The following ZNF804B variants were observed in gnomAD, a reference collection of about 807,000 sequenced individuals.
ZNF804B encodes zinc finger 804B.
A neutral mutation model predicts 101.4 loss-of-function variants in ZNF804B; 80 were observed. The ratio of observed to expected loss-of-function variants is 0.79; its 90% CI spans 0.66 to 0.95. ZNF804B has a LOEUF of 0.95. Ranked by LOEUF, ZNF804B falls within the 40% of genes least tolerant of loss-of-function variation. ZNF804B has a pLI of 0.00. For synonymous variants in ZNF804B, 622 were observed against 558.8 expected (o/e 1.11, Z -1.59); for missense variants, 1,673 against 1,561.9 (o/e 1.07, Z -1.20).
intron 1 of ZNF804B, among the ~76,000 whole-genome samples, chr7:88,855,192 A>G (rs1036394532): frequency 3.9e-5 from 6 of 152,020 alleles, no homozygotes; most frequent in African/African-American, 1.2e-4. Flanking sequence ...GACTTCCACA[A>G]TGGTTGAACT....
chr7:88,789,483 T>G (rs1230149110), intron 1 of ZNF804B, among the ~76,000 whole-genome samples: 3 of 152,098 alleles, frequency 2.0e-5, no homozygotes, highest in East Asian at 1.9e-4. Context: ...GCAAAACACC[T>G]TAATGTCTTT....
chr7:88,839,205 G>T (rs1334886655), intron 1 of ZNF804B, among the ~76,000 whole-genome samples: 1 of 151,926 alleles, frequency 6.6e-6, no homozygotes, highest in East Asian at 1.9e-4. Context: ...TGGGTTCCTA[G>T]CATCTTATCT....
At chr7:88,830,081 G>C (rs745653831) in intron 1 of ZNF804B, among the ~76,000 whole-genome samples, 10 of 152,090 alleles carry the variant, frequency 6.6e-5, no homozygotes, top group Non-Finnish European at 1.3e-4. Flanking sequence ...TTTGTTTAGG[G>C]AGTGTGCTCA....
intron 1 of ZNF804B, among the ~76,000 whole-genome samples, chr7:89,168,046 T>A (rs1584028539): frequency 6.6e-6 from 1 of 152,130 alleles, no homozygotes; most frequent in African/African-American, 2.4e-5. Flanking sequence ...CTTGTTTCTA[T>A]TCAATGAAAT....
intron 1 of ZNF804B, among the ~76,000 whole-genome samples, chr7:88,836,871 C>A (rs983159100): frequency 6.6e-6 from 1 of 151,992 alleles, no homozygotes; most frequent in Middle Eastern, 3.4e-3. Flanking sequence ...TATTTCCTGT[C>A]TGACAAGGAA....
intron 1 of ZNF804B, among the ~76,000 whole-genome samples, chr7:89,109,592 A>T (rs141751814): frequency 2.7e-3 from 411 of 152,272 alleles, no homozygotes; most frequent in Non-Finnish European, 3.9e-3. Flanking sequence ...TCTCTTTCAC[A>T]GACTCTCATT....
At chr7:89,156,049 T>C (rs1371514773) in intron 1 of ZNF804B, among the ~76,000 whole-genome samples, 1,029 of 62,482 alleles carry the variant, frequency 0.016, 15 homozygotes, top group Middle Eastern at 0.059. Context: ...TCTTTCTTTC[T>C]TTCTTTCTTT....
At chr7:88,999,849 A>G (rs754982533) in intron 1 of ZNF804B, among the ~76,000 whole-genome samples, 6 of 152,010 alleles carry the variant, frequency 3.9e-5, no homozygotes, top group Non-Finnish European at 5.9e-5. Context: ...TTCTTTAGCC[A>G]CATATTAATA....
intron 1 of ZNF804B, among the ~76,000 whole-genome samples, chr7:89,093,240 C>T (rs1789922295): frequency 6.6e-6 from 1 of 152,102 alleles, no homozygotes; most frequent in African/African-American, 2.4e-5. Context: ...CTACCTGTAC[C>T]TCTGTGGGAA....
chr7:88,794,996 T>C (rs991899528), intron 1 of ZNF804B: 2 of 1,454,280 alleles, frequency 1.4e-6, no homozygotes, highest in East Asian at 2.3e-5. Context: ...TATCATAATA[T>C]TTATGCTGCC....
chr7:88,773,542 C>A (rs548021927), intron 1 of ZNF804B, among the ~76,000 whole-genome samples: 1 of 152,226 alleles, frequency 6.6e-6, no homozygotes, highest in African/African-American at 2.4e-5. Flanking sequence ...ATATGTTTTA[C>A]ATAAACCAAA....
At chr7:89,267,074 A>G (rs1789807769) in intron 2 of ZNF804B, among the ~76,000 whole-genome samples, 1 of 152,162 alleles carries the variant, frequency 6.6e-6, no homozygotes, top group African/African-American at 2.4e-5. Context: ...CCAACTGGTT[A>G]TTTTATCATT....
chr7:89,305,073 C>T (rs1303829788), intron 2 of ZNF804B, among the ~76,000 whole-genome samples: 3 of 151,972 alleles, frequency 2.0e-5, no homozygotes, highest in Non-Finnish European at 2.9e-5. Flanking sequence ...TGTGCCTCCA[C>T]TGTGTAATGA....
intron 2 of ZNF804B, among the ~76,000 whole-genome samples, chr7:89,229,330 A>G (rs938948510): frequency 1.7e-4 from 26 of 152,252 alleles, no homozygotes; most frequent in Non-Finnish European, 5.9e-5. Context: ...GATGTCTACA[A>G]GAAACCCACT....
intron 1 of ZNF804B, among the ~76,000 whole-genome samples, chr7:89,195,559 A>C (rs1788533735): frequency 6.6e-6 from 1 of 151,146 alleles, no homozygotes; most frequent in African/African-American, 2.4e-5. Flanking sequence ...ACAAACAGAG[A>C]GCCAAATCAT....
intron 1 of ZNF804B, chr7:88,793,962 C>G: frequency 5.1e-6 from 2 of 393,976 alleles, no homozygotes; most frequent in Non-Finnish European, 9.0e-6. Context: ...ACTTATTAAA[C>G]CCATCTACCT....
chr7:88,892,779 AAC>A (rs1470384865), intron 1 of ZNF804B, among the ~76,000 whole-genome samples: 2 of 152,174 alleles, frequency 1.3e-5, no homozygotes, highest in Non-Finnish European at 2.9e-5. Context: ...CGTTCCTGGA[AAC>A]ACACATTAGT....
chr7:89,218,520 G>A (rs192937158), intron 2 of ZNF804B, among the ~76,000 whole-genome samples: 2 of 152,242 alleles, frequency 1.3e-5, no homozygotes, highest in South Asian at 2.1e-4. Context: ...TAATCTGAGA[G>A]TAGACTGACA....
intron 1 of ZNF804B, among the ~76,000 whole-genome samples, chr7:88,803,763 G>A (rs1435549845): frequency 6.6e-6 from 1 of 152,108 alleles, no homozygotes; most frequent in Non-Finnish European, 1.5e-5. Flanking sequence ...TGAATCTGAA[G>A]ATCTGAGGAA....
Sources: allele counts gnomAD v4.1 joint callset (sites outside exome capture counted in the v4.1 genomes callset), GRCh38; gene constraint gnomAD v4.1.1; transcripts MANE v1.5; gene names NCBI Gene and HGNC (gene_info 2026-07-23, HGNC 2026-07-21).